The following LAMA1 variants were observed in gnomAD, a reference collection of about 807,000 sequenced individuals.
LAMA1 encodes laminin subunit alpha-1.
Under a neutral mutation model 348.7 loss-of-function variants are expected in LAMA1, and 219 were observed. That is an observed-to-expected ratio of 0.63 (90% CI 0.56 to 0.70). LAMA1 has a LOEUF of 0.70. Ranked by LOEUF, LAMA1 falls within the 30% of genes least tolerant of loss-of-function variation. The probability of loss-of-function intolerance (pLI) is 0.00; values close to 1 mark genes in which losing one functional copy is unlikely to be tolerated. For synonymous variants in LAMA1, 1,487 were observed against 1,491.0 expected (o/e 1.00, Z 0.06); for missense variants, 3,744 against 3,888.0 (o/e 0.96, Z 0.99).
At chr18:7,017,051 C>A (rs527336431) in intron 20 of LAMA1, among the ~76,000 whole-genome samples, 2 of 152,292 alleles carry the variant, frequency 1.3e-5, no homozygotes, top group South Asian at 2.1e-4. Flanking sequence ...AAAGAAGGTG[C>A]CTGCTTCCCC....
At chr18:7,015,144 A>G (rs969865789) in intron 22 of LAMA1, among the ~76,000 whole-genome samples, 2 of 152,060 alleles carry the variant, frequency 1.3e-5, no homozygotes, top group Non-Finnish European at 2.9e-5. Flanking sequence ...CACCGCACCC[A>G]GCCATTTTTT....
At chr18:7,005,909 T>C (rs944158514) in intron 29 of LAMA1, among the ~76,000 whole-genome samples, 3 of 152,156 alleles carry the variant, frequency 2.0e-5, no homozygotes, top group African/African-American at 7.2e-5. Flanking sequence ...AATCAAAATG[T>C]GGCGGGAGGC....
At chr18:6,980,454 T>G in intron 42 of LAMA1, 67 bp downstream of exon 42, 1 of 1,099,710 alleles carries the variant, frequency 9.1e-7, no homozygotes, top group Non-Finnish European at 1.4e-6. Context: ...AGGACTTCCT[T>G]ATGTTCCTGA....
At chr18:7,100,058 CAAAAAAA>C (rs3038921) in intron 1 of LAMA1, among the ~76,000 whole-genome samples, 32,597 of 80,036 alleles carry the variant, frequency 0.41, 4,359 homozygotes, top group East Asian at 0.61. Flanking sequence ...GACTTTGTCT[CAAAAAAA>C]AAAAAAAAAA....
intron 58 of LAMA1, among the ~76,000 whole-genome samples, chr18:6,950,111 G>A (rs1420228982): frequency 6.6e-6 from 1 of 152,004 alleles, no homozygotes; most frequent in Non-Finnish European, 1.5e-5. Context: ...ACCACCCAGA[G>A]CAGTAACCCC....
At chr18:6,956,988 T>C (rs759559164) in intron 55 of LAMA1, 3 of 544,304 alleles carry the variant, frequency 5.5e-6, no homozygotes, top group Non-Finnish European at 1.0e-5. Flanking sequence ...CAGCCTAGCA[T>C]ATCCCCATGT....
chr18:6,994,420 T>C (rs2057771556), intron 34 of LAMA1, among the ~76,000 whole-genome samples: 2 of 152,150 alleles, frequency 1.3e-5, no homozygotes, highest in Admixed American at 6.5e-5. Flanking sequence ...CCAGTCTGAG[T>C]TTGGTGTTTT....
At chr18:6,974,437 C>T (rs527491915) in intron 46 of LAMA1, among the ~76,000 whole-genome samples, 3 of 148,340 alleles carry the variant, frequency 2.0e-5, no homozygotes, top group Non-Finnish European at 4.5e-5. Context: ...TCACTTGTAA[C>T]AAATGCTTAT....
chr18:6,942,118 GT>G lies in LAMA1; in HGVS notation c.9188del (p.His3063ProfsTer36). On this transcript the variant is annotated frameshift_variant, in exon 63 of 63. Transcript: ENST00000389658. LOFTEE classifies it high-confidence loss of function. ...CAGGACAGGAATGAAGGAAAACTCC[GT>G]GCAGTTCGAACGCTCTGCTGAAGTC... ...SFDFSRAFEL[H>X]GVFLHSCPGT... 6.2e-7 allele frequency: 1 copy of G among 1,614,158 alleles called. No homozygotes were observed. The highest frequency in any genetic ancestry group is 1.3e-5 in the African/African-American group (1 of 75,052).
At chr18:7,059,504 C>T (rs575676810) in intron 3 of LAMA1, among the ~76,000 whole-genome samples, 2 of 152,236 alleles carry the variant, frequency 1.3e-5, no homozygotes, top group East Asian at 3.9e-4. Flanking sequence ...AAAAGGAATC[C>T]AGACAGGAAT....
rs558739950 is a variant in LAMA1, at chr18:7,072,767, T to C, written c.345+7208A>G. On this transcript the variant is annotated intron_variant, in intron 3 of 62. Coordinates refer to ENST00000389658, the MANE Select transcript of LAMA1 (RefSeq NM_005559.4). The stretch of plus-strand genomic sequence containing the variant: ...CAAGTGACCACCTACTGAGAAGAAG[T>C]GTTTGCGCTGGTTGCTAAGCACCTG... Among the ~76,000 whole-genome samples the C allele has an allele frequency of 3.9e-5, 6 of 152,280 alleles. No homozygotes were observed. The South Asian group carries it at 1.0e-3, about 26-fold the overall frequency.
intron 1 of LAMA1, among the ~76,000 whole-genome samples, chr18:7,088,234 C>T (rs779069406): frequency 6.6e-6 from 1 of 152,172 alleles, no homozygotes; most frequent in Non-Finnish European, 1.5e-5. Flanking sequence ...TTCCTCCCTT[C>T]GTCTCCTCCG....
At chr18:7,107,689 T>A (rs760693979) in intron 1 of LAMA1, among the ~76,000 whole-genome samples, 1 of 152,184 alleles carries the variant, frequency 6.6e-6, no homozygotes, top group Non-Finnish European at 1.5e-5. Context: ...AATACTCCTA[T>A]AAGGAAATAC....
chr18:6,947,347 G>A, intron 60 of LAMA1, 51 bp from the exon 61 acceptor site: 2 of 1,611,574 alleles, frequency 1.2e-6, no homozygotes. Context: ...CCAGGCCCAG[G>A]TTGAGCATTT....
In LAMA1 at chr18:7,013,947, A is replaced by G. The variant is rs767601015; in HGVS notation, c.3231T>C (p.Cys1077=). The G allele has an allele frequency of 6.2e-7, 1 of 1,613,994 alleles. No individual in the cohort carries two copies. Among genetic ancestry groups the G allele is most frequent in the Admixed American group, 1.7e-5 (1 of 60,018 alleles). Residue 1077 remains cysteine (C), a synonymous_variant, in exon 23 of 63, where the codon TGT becomes TGC. Transcript: ENST00000389658. ...CGGGAAAGTCTCTGTAACCCAAGGA[A>G]CACTGATCGCAGGCCCGGCCACCAA... ...SKFGGRACDQ[C]SLGYRDFPDC...
Position 7,011,393 on chromosome 18 carries a change from G to C in LAMA1, c.3594C>G (p.Ala1198=). The change falls in exon 25 of 63, where the codon GCC becomes GCG. Residue 1198 remains alanine, a synonymous_variant. Coordinates refer to ENST00000389658, the MANE Select transcript of LAMA1 (RefSeq NM_005559.4). ...TGGCGGCATCCAGCAGGAAGTCGGG[G>C]GCCTGGTAGTAAACCCCCTCGGTCG... ...RGTTEGVYYQ[A]PDFLLDAATV... 1 of 1,610,796 alleles carries C rather than the reference G, an allele frequency of 6.2e-7. No homozygotes were observed. The highest frequency in any genetic ancestry group is 8.5e-7 in the Non-Finnish European group (1 of 1,178,822).
chr18:7,044,482 A>G (rs1342424347), intron 7 of LAMA1, among the ~76,000 whole-genome samples: 2 of 152,192 alleles, frequency 1.3e-5, no homozygotes, highest in African/African-American at 4.8e-5. Context: ...AAACAAAAGT[A>G]AAATTAATAC....
intron 1 of LAMA1, among the ~76,000 whole-genome samples, chr18:7,089,853 A>G (rs1006832472): frequency 1.3e-5 from 2 of 152,358 alleles, no homozygotes; most frequent in Admixed American, 6.5e-5. Context: ...TGCATCCCCA[A>G]CAGGTTCAGG....
intron 1 of LAMA1, among the ~76,000 whole-genome samples, chr18:7,114,137 A>C (rs2058347092): frequency 6.6e-6 from 1 of 152,008 alleles, no homozygotes; most frequent in African/African-American, 2.4e-5. Flanking sequence ...AGGTAAAATC[A>C]ATAAGTCTCA....
Sources: gnomAD v4.1 joint callset for allele counts (sites outside exome capture counted in the v4.1 genomes callset) on GRCh38, gnomAD v4.1.1 for gene constraint, MANE v1.5 for transcripts, NCBI Gene and HGNC (gene_info 2026-07-23, HGNC 2026-07-21) for gene names.